SAMD8: variants seen among roughly 807,000 people sequenced by gnomAD.
SAMD8 encodes the protein sphingomyelin synthase-related protein 1.
Under a neutral mutation model 42.0 loss-of-function variants are expected in SAMD8, and 20 were observed. The ratio of observed to expected loss-of-function variants is 0.48; its 90% CI spans 0.34 to 0.69. The LOEUF is 0.69. Among genes scored for constraint, SAMD8 ranks in the 30% least tolerant of loss-of-function variants. The probability of loss-of-function intolerance (pLI) is 0.01; values close to 1 mark genes in which losing one functional copy is unlikely to be tolerated. For missense variants in SAMD8, 328 were observed against 511.6 expected, an observed-to-expected ratio of 0.64 and a Z score of 3.46; for synonymous variants, 162 against 173.0, an observed-to-expected ratio of 0.94 and a Z score of 0.50.
intron 1 of SAMD8, among the ~76,000 whole-genome samples, chr10:75,150,151 G>T (rs1840249107): frequency 6.7e-6 from 1 of 149,306 alleles, no homozygotes; most frequent in Non-Finnish European, 1.5e-5. Flanking sequence ...TCCCTCTGTT[G>T]CCCAGGCTGG....
chr10:75,135,242 C>T (rs11001303), intron 1 of SAMD8, among the ~76,000 whole-genome samples: 5 of 147,486 alleles, frequency 3.4e-5, no homozygotes, highest in East Asian at 2.1e-4. Flanking sequence ...CACCTGAGGT[C>T]GGGAGTTCAA....
chr10:75,120,560 C>T lies in SAMD8; in HGVS notation c.-16+8838C>T, dbSNP rs931453890. On this transcript the variant is annotated intron_variant, in intron 1 of 5. Transcript: ENST00000542569. ...CTGGGATTACAGGCGTGAGCCACCG[C>T]GCCCGGCCAGCGTCATACTTTTTAA... Among the ~76,000 whole-genome samples the T allele has an allele frequency of 2.6e-5, 4 of 152,134 alleles. No individual in the cohort carries two copies. The East Asian group carries it at 7.7e-4, about 29-fold the overall frequency.
chr10:75,161,077 A>T (rs1840546794), intron 2 of SAMD8, among the ~76,000 whole-genome samples: 1 of 152,132 alleles, frequency 6.6e-6, no homozygotes, highest in South Asian at 2.1e-4. Context: ...CAAAAAAAAA[A>T]TCTACTTAAG....
chr10:75,147,154 T>C (rs180834872), intron 1 of SAMD8, among the ~76,000 whole-genome samples: 1 of 152,016 alleles, frequency 6.6e-6, no homozygotes, highest in East Asian at 1.9e-4. Context: ...AAAAAACATA[T>C]AAAAGAAGAG....
At chr10:75,148,567 A>T (rs1840203783) in intron 1 of SAMD8, among the ~76,000 whole-genome samples, 1 of 151,932 alleles carries the variant, frequency 6.6e-6, no homozygotes, top group Non-Finnish European at 1.5e-5. Flanking sequence ...GTTAGCCAGG[A>T]TGGTCTTGAT....
intron 1 of SAMD8, among the ~76,000 whole-genome samples, chr10:75,147,526 C>T (rs956455092): frequency 2.0e-5 from 3 of 152,056 alleles, no homozygotes; most frequent in Non-Finnish European, 2.9e-5. Context: ...CGGGGTTTCA[C>T]CATCTTGGCC....
rs192815239 is a variant in SAMD8 at position 75,139,220 on chromosome 10, C to T, written c.-15-11294C>T. Among the ~76,000 whole-genome samples, 164 of 152,134 alleles carry T rather than the reference C, an allele frequency of 1.1e-3. 1 individual carries two copies. The highest frequency in any genetic ancestry group is 3.8e-3 in the African/African-American group (157 of 41,504). ...CTGACCTCAAGTGATCTGCCCACCT[C>T]GGCCTTCCAACGTACTGGGATTATA... is the stretch of plus-strand genomic sequence containing the variant. On this transcript the variant is annotated intron_variant, in intron 1 of 5. Coordinates refer to ENST00000542569, the MANE Select transcript of SAMD8 (RefSeq NM_001174156.2).
intron 1 of SAMD8, among the ~76,000 whole-genome samples, chr10:75,149,349 A>T (rs1245051379): frequency 6.6e-6 from 1 of 152,224 alleles, no homozygotes; most frequent in South Asian, 2.1e-4. Context: ...ATAGCACCTT[A>T]TTGGCCTTTT....
chr10:75,172,042 G>A (rs560681101), intron 4 of SAMD8, among the ~76,000 whole-genome samples: 2 of 149,576 alleles, frequency 1.3e-5, no homozygotes, highest in African/African-American at 2.5e-5. Flanking sequence ...AAAAAAAAAA[G>A]TGGTATGTGT....
intron 1 of SAMD8, among the ~76,000 whole-genome samples, chr10:75,130,348 A>G (rs928206608): frequency 1.3e-5 from 2 of 150,466 alleles, no homozygotes; most frequent in African/African-American, 2.5e-5. Flanking sequence ...CTAAAAATAC[A>G]AAAAAAAATT....
At chr10:75,157,035 G>A (rs1490038161) in intron 2 of SAMD8, among the ~76,000 whole-genome samples, 2 of 152,008 alleles carry the variant, frequency 1.3e-5, no homozygotes, top group Non-Finnish European at 2.9e-5. Context: ...ACTTCGGGGA[G>A]GGGTTCACCT....
intron 4 of SAMD8, among the ~76,000 whole-genome samples, chr10:75,173,668 T>C (rs1189448137): frequency 6.6e-6 from 1 of 152,240 alleles, no homozygotes; most frequent in Non-Finnish European, 1.5e-5. Context: ...CAAACCCATG[T>C]GTATTATCTT....
chr10:75,176,307 A>G lies in SAMD8; in HGVS notation c.944-81A>G. 6.2e-7 allele frequency: 1 copy of G among 1,605,278 alleles called. No homozygotes were observed. On this transcript the variant is annotated intron_variant, in intron 5 of 5. Transcript: ENST00000542569. This position sits in a 1 kb window ranked among gnomAD's most constrained non-coding sequence, Gnocchi z 4.3. The stretch of plus-strand genomic sequence containing the variant: ...GTGTCAGATCCTGTGAAGAATGGCA[A>G]AACAGCCTGACCTGAGAAACGTGAC...
intron 4 of SAMD8, among the ~76,000 whole-genome samples, chr10:75,169,900 T>C (rs982280573): frequency 6.6e-6 from 1 of 152,144 alleles, no homozygotes; most frequent in African/African-American, 2.4e-5. Flanking sequence ...CAAGAGTGAA[T>C]CTGCATCTCA....
At chr10:75,134,986 A>AG (rs576817437) in intron 1 of SAMD8, among the ~76,000 whole-genome samples, 66 of 151,948 alleles carry the variant, frequency 4.3e-4, no homozygotes, top group African/African-American at 1.5e-3. Flanking sequence ...ACTTGAGCCC[A>AG]GGGGTTTGAG....
intron 1 of SAMD8, among the ~76,000 whole-genome samples, chr10:75,144,701 A>G (rs537201627): frequency 1.8e-4 from 27 of 152,026 alleles, no homozygotes; most frequent in Non-Finnish European, 4.0e-4. Context: ...TCTGTTGCCC[A>G]GGCTGGAGTG....
chr10:75,128,604 A>G (rs537056188), intron 1 of SAMD8, among the ~76,000 whole-genome samples: 1 of 152,332 alleles, frequency 6.6e-6, no homozygotes, highest in Admixed American at 6.5e-5. Flanking sequence ...ATAAAGTACA[A>G]ATGCAGGGAA....
intron 4 of SAMD8, 90 bp from the exon 5 acceptor site, chr10:75,175,976 T>C: frequency 1.3e-6 from 2 of 1,530,952 alleles, no homozygotes; most frequent in Non-Finnish European, 1.8e-6. Flanking sequence ...TTCTAAGTTA[T>C]TCAGCATTTG....
At position 75,176,792 on chromosome 10, in the gene SAMD8, A is replaced by T; in HGVS notation, c.*100A>T. 1 of 859,666 alleles carries T rather than the reference A, an allele frequency of 1.2e-6. No individual in the cohort carries two copies. Among genetic ancestry groups the T allele is most frequent in the South Asian group, 1.9e-5 (1 of 51,494 alleles). 53.3% of individuals were successfully genotyped at this position (859,666 alleles called of 1,614,324 possible). A position where few individuals can be genotyped will look rare whatever the true frequency, so the allele number is the denominator to read the frequency against. On this transcript the variant is annotated 3_prime_UTR_variant, in exon 6 of 6. Coordinates refer to ENST00000542569, the MANE Select transcript of SAMD8 (RefSeq NM_001174156.2). This position sits in a 1 kb window ranked among gnomAD's most constrained non-coding sequence, Gnocchi z 4.3. ...TAGGTTGTTCTTAGATGCCTGGCTT[A>T]TGTGTTGACAAAGTAAAGTTTTCTG... is the stretch of plus-strand genomic sequence containing the variant.
Sources: gnomAD v4.1 joint callset for allele counts (sites outside exome capture counted in the v4.1 genomes callset) on GRCh38, gnomAD v4.1.1 for gene constraint, Gnocchi (gnomAD v3.1) non-coding constraint, MANE v1.5 for transcripts, NCBI Gene and HGNC (gene_info 2026-07-23, HGNC 2026-07-21) for gene names.